Variants in NDUFAF6 observed in about 807,000 individuals in gnomAD.
NDUFAF6 encodes the protein NADH dehydrogenase (ubiquinone) complex I, assembly factor 6.
A neutral mutation model predicts 40.8 loss-of-function variants in NDUFAF6; 45 were observed. The observed-to-expected ratio is 1.10, with a 90% CI of 0.87 to 1.42. The LOEUF is 1.42. NDUFAF6 is among the 40% of genes most tolerant of loss of function. NDUFAF6 has a pLI of 0.00. For missense variants in NDUFAF6, 435 were observed against 418.5 expected (o/e 1.04, Z -0.34); for synonymous variants, 185 against 155.9 (o/e 1.19, Z -1.39).
intron 8 of NDUFAF6, among the ~76,000 whole-genome samples, chr8:95,053,952 T>TTTTTG (rs1554681590): frequency 4.2e-4 from 57 of 137,006 alleles, no homozygotes; most frequent in African/African-American, 1.5e-3. Flanking sequence ...TTTTTTTTTT[T>TTTTTG]GAGACAAAAT....
chr8:94,977,905 A>G (rs1008636059), intron 1 of NDUFAF6, among the ~76,000 whole-genome samples: 12 of 152,160 alleles, frequency 7.9e-5, no homozygotes, highest in African/African-American at 2.9e-4. Flanking sequence ...AAAACATATC[A>G]GTGGTTTTCC....
At chr8:95,028,207 T>C (rs1028559211) in intron 1 of NDUFAF6, among the ~76,000 whole-genome samples, 5 of 152,234 alleles carry the variant, frequency 3.3e-5, no homozygotes, top group African/African-American at 1.2e-4. Flanking sequence ...CTTCAGTGTC[T>C]GGAACAGTGC....
At chr8:94,985,779 C>T (rs930105477) in intron 2 of NDUFAF6, among the ~76,000 whole-genome samples, 8 of 150,904 alleles carry the variant, frequency 5.3e-5, no homozygotes, top group African/African-American at 1.9e-4. Flanking sequence ...TGTGATTTGC[C>T]CGCCTTGGCG....
chr8:94,925,405 A>C (rs1819800899), intron 1 of NDUFAF6, among the ~76,000 whole-genome samples: 1 of 152,320 alleles, frequency 6.6e-6, no homozygotes, highest in Non-Finnish European at 1.5e-5. Context: ...TTGGGAATTC[A>C]TCCACCTGGC....
At chr8:94,948,570 A>G (rs932524898) in intron 2 of NDUFAF6, among the ~76,000 whole-genome samples, 1 of 152,160 alleles carries the variant, frequency 6.6e-6, no homozygotes, top group Non-Finnish European at 1.5e-5. Flanking sequence ...CAGGTTCCCC[A>G]TAGCCGCAGG....
chr8:94,962,719 C>T (rs1823689282), intron 1 of NDUFAF6, among the ~76,000 whole-genome samples: 1 of 151,690 alleles, frequency 6.6e-6, no homozygotes, highest in Admixed American at 6.6e-5. Context: ...CTCAAGTGAT[C>T]CTCCCACCTT....
intron 9 of NDUFAF6, among the ~76,000 whole-genome samples, chr8:95,066,497 G>T (rs1273635527): frequency 2.6e-5 from 4 of 152,040 alleles, no homozygotes; most frequent in Non-Finnish European, 2.9e-5. Context: ...AAACTCTGAA[G>T]TGGGTAGTCA....
At chr8:95,000,184 A>G (rs1306460934) in intron 2 of NDUFAF6, among the ~76,000 whole-genome samples, 1 of 152,160 alleles carries the variant, frequency 6.6e-6, no homozygotes, top group Non-Finnish European at 1.5e-5. Flanking sequence ...AAAAAATACA[A>G]TAGTTAGCTG....
intron 1 of NDUFAF6, among the ~76,000 whole-genome samples, chr8:94,914,029 C>G (rs540257780): frequency 6.6e-6 from 1 of 151,352 alleles, no homozygotes; most frequent in Non-Finnish European, 1.5e-5. Flanking sequence ...TAACCTCAAG[C>G]GATCTGCCCG....
upstream of NDUFAF6, among the ~76,000 whole-genome samples, chr8:95,098,978 C>A (rs1023222209): frequency 6.6e-6 from 1 of 151,912 alleles, no homozygotes; most frequent in Non-Finnish European, 1.5e-5. Flanking sequence ...TGGTGGCTCA[C>A]GCCTGTAATC....
At chr8:94,954,928 C>G (rs509594), upstream of NDUFAF6, among the ~76,000 whole-genome samples, 50,163 of 152,108 alleles carry the variant, frequency 0.33, 8,985 homozygotes, top group Non-Finnish European at 0.41. Flanking sequence ...GAGAACAGGT[C>G]TCACAGAATG....
chr8:94,948,906 C>T (rs1451217408), intron 2 of NDUFAF6, among the ~76,000 whole-genome samples: 2 of 151,574 alleles, frequency 1.3e-5, no homozygotes, highest in Non-Finnish European at 2.9e-5. Flanking sequence ...CGCGCCGCCG[C>T]CGCCTCTGTC....
At chr8:95,025,840 C>G (rs1428588371) in intron 1 of NDUFAF6, among the ~76,000 whole-genome samples, 1 of 152,182 alleles carries the variant, frequency 6.6e-6, no homozygotes, top group Non-Finnish European at 1.5e-5. Flanking sequence ...GCTGGGAAGG[C>G]CTGGCACTTG....
chr8:95,107,479 A>T (rs1975425), downstream of NDUFAF6, among the ~76,000 whole-genome samples: 25 of 151,978 alleles, frequency 1.6e-4, no homozygotes, highest in Non-Finnish European at 2.6e-4. Context: ...GGCCTGTCGG[A>T]GGGGTAGGAG....
intron 5 of NDUFAF6, among the ~76,000 whole-genome samples, chr8:95,046,320 C>T (rs564436903): frequency 3.3e-4 from 51 of 152,290 alleles, no homozygotes; most frequent in African/African-American, 1.1e-3. Context: ...GCTGGGATTA[C>T]AGGCGTGAGC....
chr8:94,981,801 A>G (rs933622627), intron 2 of NDUFAF6, among the ~76,000 whole-genome samples: 2 of 152,068 alleles, frequency 1.3e-5, no homozygotes, highest in African/African-American at 4.8e-5. Flanking sequence ...TGGCAGATGT[A>G]CACTTACACA....
chr8:94,914,704 C>G (rs1009920592), intron 1 of NDUFAF6, among the ~76,000 whole-genome samples: 2 of 152,044 alleles, frequency 1.3e-5, no homozygotes, highest in African/African-American at 4.8e-5. Context: ...GCAGGTGGAT[C>G]ACGGGAGTTC....
chr8:95,077,063 C>T (rs1808651391), downstream of NDUFAF6, among the ~76,000 whole-genome samples: 1 of 152,090 alleles, frequency 6.6e-6, no homozygotes, highest in Non-Finnish European at 1.5e-5. Context: ...CAGAGACGTG[C>T]ACACATGTGA....
At chr8:94,962,039 C>T (rs1823620990) in intron 1 of NDUFAF6, among the ~76,000 whole-genome samples, 1 of 152,210 alleles carries the variant, frequency 6.6e-6, no homozygotes, top group Non-Finnish European at 1.5e-5. Context: ...TTCTTAGCTT[C>T]CCTTCCAGCT....
Sources: allele counts gnomAD v4.1 joint callset (sites outside exome capture counted in the v4.1 genomes callset), GRCh38; gene constraint gnomAD v4.1.1; transcripts MANE v1.5; gene names NCBI Gene and HGNC (gene_info 2026-07-23, HGNC 2026-07-21).